ADGRE3: variants seen among roughly 807,000 people sequenced by gnomAD.
The protein encoded by ADGRE3 is adhesion G protein-coupled receptor E3, also known as EGF-like module receptor 3.
ADGRE3 carries 88 observed loss-of-function variants against 80.1 expected under a neutral mutation model. That is an observed-to-expected ratio of 1.10 (90% CI 0.93 to 1.31). The LOEUF is 1.31. Among genes scored for constraint, ADGRE3 ranks in the 40% most tolerant of loss-of-function variants. The pLI is 0.00. For synonymous variants in ADGRE3, 281 were observed against 294.8 expected (o/e 0.95, Z 0.48); for missense variants, 715 against 776.5 (o/e 0.92, Z 0.94).
the ADGRE3 span, chr19:14,610,288 G>C: frequency 6.7e-7 from 1 of 1,498,614 alleles, no homozygotes; most frequent in African/African-American, 1.4e-5. Flanking sequence ...CTCTTCGTGA[G>C]TGGACACACA....
At chr19:14,652,606 C>T (rs984620357) in intron 6 of ADGRE3, among the ~76,000 whole-genome samples, 4 of 151,544 alleles carry the variant, frequency 2.6e-5, no homozygotes, top group African/African-American at 9.7e-5. Flanking sequence ...ATGGTGAAAT[C>T]CCATTCTACT....
chr19:14,616,945 G>A (rs112071042), downstream of ADGRE3, among the ~76,000 whole-genome samples: 15,849 of 151,652 alleles, frequency 0.1, 904 homozygotes, highest in East Asian at 0.17. Flanking sequence ...ACAGACATGC[G>A]CCACCACGCC....
intron 5 of ADGRE3, among the ~76,000 whole-genome samples, chr19:14,656,125 C>T (rs7256352): frequency 0.42 from 63,168 of 151,494 alleles, 13,576 homozygotes; most frequent in East Asian, 0.62. Flanking sequence ...GGGGGTGGAT[C>T]ATCTGAGGTC....
At position 14,660,937 on chromosome 19, in the gene ADGRE3, CT is replaced by C. The variant is rs35730102; in HGVS notation, c.355+1025del. 6.7e-3 allele frequency among the ~76,000 whole-genome samples: 556 copies of C among 83,494 alleles called. 4 individuals carry two copies. Among genetic ancestry groups the C allele is most frequent in the African/African-American group, 0.02 (423 of 21,290 alleles). The allele number at this position is 83,494 out of a possible 152,430, so 54.8% of individuals were successfully genotyped here. A position where few individuals can be genotyped will look rare whatever the true frequency, so the allele number is the denominator to read the frequency against. ...TGGAGCGGGTTGGTGGTCATATTTC[CT>C]TTTTTTTTTTTTTTTTTTTTTGAGA... is the stretch of plus-strand genomic sequence containing the variant. On this transcript the variant is annotated intron_variant, in intron 4 of 15. Transcript: ENST00000253673.
At chr19:14,665,937 T>TATATATATACATAC (rs1972086453) in intron 2 of ADGRE3, among the ~76,000 whole-genome samples, 1 of 19,964 alleles carries the variant, frequency 5.0e-5, no homozygotes, top group African/African-American at 1.6e-4. Context: ...CACATATGTG[T>TATATATATACATAC]ATATATATAT....
At chr19:14,614,945 G>A (rs188325650), downstream of ADGRE3, among the ~76,000 whole-genome samples, 1 of 151,384 alleles carries the variant, frequency 6.6e-6, no homozygotes, top group East Asian at 1.9e-4. Context: ...AAGTGCAGTG[G>A]TGCAATCACA....
chr19:14,641,359 G>C (rs749350162), intron 10 of ADGRE3, 60 bp downstream of exon 10: 18 of 1,595,450 alleles, frequency 1.1e-5, no homozygotes, highest in Non-Finnish European at 1.4e-5. Flanking sequence ...GTGCAGCATT[G>C]CTCCATGAGC....
intron 3 of ADGRE3, among the ~76,000 whole-genome samples, chr19:14,663,039 G>C (rs1186968783): frequency 2.0e-5 from 3 of 151,978 alleles, no homozygotes; most frequent in African/African-American, 2.4e-5. Flanking sequence ...GTCTCGATCT[G>C]TTGCCCAGGC....
downstream of ADGRE3, among the ~76,000 whole-genome samples, chr19:14,616,206 GTGATCTGCCCA>G (rs1568469071): frequency 6.6e-6 from 1 of 151,974 alleles, no homozygotes; most frequent in Admixed American, 6.6e-5. Flanking sequence ...TGAACTCCTC[GTGATCTGCCCA>G]TCTCGGCCTT....
At chr19:14,657,216 A>T (rs1019045535) in intron 5 of ADGRE3, among the ~76,000 whole-genome samples, 1 of 152,044 alleles carries the variant, frequency 6.6e-6, no homozygotes, top group Non-Finnish European at 1.5e-5. Context: ...TTATTTGTTC[A>T]TTACTTCAGT....
At chr19:14,613,217 T>C in the ADGRE3 span, among the ~76,000 whole-genome samples, 2 of 151,740 alleles carry the variant, frequency 1.3e-5, no homozygotes, top group South Asian at 4.2e-4. Context: ...TGAGCCACCA[T>C]GCCTGGCCTT....
At chr19:14,623,286 A>T (rs1970637838) in intron 15 of ADGRE3, among the ~76,000 whole-genome samples, 1 of 97,956 alleles carries the variant, frequency 1.0e-5, no homozygotes, top group East Asian at 3.2e-4. Flanking sequence ...TAAAATACTT[A>T]AAAAAAAAAA....
chr19:14,633,378 C>G lies in ADGRE3; in HGVS notation c.1485-76G>C, dbSNP rs1599611744. The G allele has an allele frequency of 2.7e-6, 3 of 1,094,256 alleles. No homozygotes were observed. In the East Asian group the frequency reaches 7.9e-5, roughly 29 times the overall value. 67.8% of individuals were successfully genotyped at this position (1,094,256 alleles called of 1,614,324 possible). On this transcript the variant is annotated intron_variant, in intron 11 of 15. Transcript: ENST00000253673. ...AGATCAACATAAAGTGTCTCTTTTC[C>G]TACCAGAGAATTGTTTCCAGTTTCT...
In ADGRE3 at chr19:14,625,597, G is replaced by A; in HGVS notation, c.1815C>T (p.Val605=). ...FLVYCLLSQQ[V]QKQYQKWFRE... ...TAAACCACTTTTGATATTGTTTCTG[G>A]ACCTGGAACATCAAAGGAAATACCT... Residue 605 remains valine (V), a splice_region_variant and synonymous_variant, in exon 15 of 16, where the codon GTC becomes GTT. Coordinates refer to ENST00000253673, the MANE Select transcript of ADGRE3 (RefSeq NM_032571.5). The A allele has an allele frequency of 1.2e-6, 2 of 1,603,732 alleles. No homozygotes were observed. Among genetic ancestry groups the A allele is most frequent in the South Asian group, 1.1e-5 (1 of 90,660 alleles).
intron 1 of ADGRE3, among the ~76,000 whole-genome samples, chr19:14,670,318 C>A (rs1271813324): frequency 1.3e-5 from 2 of 152,178 alleles, no homozygotes; most frequent in Non-Finnish European, 2.9e-5. Context: ...AAGCTCTAAG[C>A]ATGAGTGTCC....
At chr19:14,622,324 G>T (rs1970623099) in intron 15 of ADGRE3, 2 of 498,964 alleles carry the variant, frequency 4.0e-6, no homozygotes, top group East Asian at 6.3e-5. Flanking sequence ...AGACAGGATG[G>T]TTATTCTTGT....
the ADGRE3 span, among the ~76,000 whole-genome samples, chr19:14,607,803 T>G: frequency 6.6e-6 from 1 of 151,766 alleles, no homozygotes; most frequent in African/African-American, 2.4e-5. Flanking sequence ...CTTGAACTCC[T>G]GACCTCAGGT....
intron 2 of ADGRE3, among the ~76,000 whole-genome samples, chr19:14,667,707 A>T (rs1231937091): frequency 6.6e-6 from 1 of 152,186 alleles, no homozygotes; most frequent in Non-Finnish European, 1.5e-5. Flanking sequence ...GAGGGATAGC[A>T]TTAGGAGAAA....
chr19:14,645,854 T>C (rs1262266554), intron 8 of ADGRE3, among the ~76,000 whole-genome samples: 2 of 151,922 alleles, frequency 1.3e-5, no homozygotes, highest in Non-Finnish European at 2.9e-5. Flanking sequence ...CACCTGTAGT[T>C]CCAGCTGCTG....
Sources: allele counts gnomAD v4.1 joint callset (sites outside exome capture counted in the v4.1 genomes callset), GRCh38; gene constraint gnomAD v4.1.1; transcripts MANE v1.5; gene names NCBI Gene and HGNC (gene_info 2026-07-23, HGNC 2026-07-21).